Variants in SPACA3 observed in about 807,000 individuals in gnomAD.
The protein encoded by SPACA3 is sperm acrosome associated 3.
SPACA3 carries 21 observed loss-of-function variants against 24.5 expected under a neutral mutation model. The ratio of observed to expected loss-of-function variants is 0.86; its 90% CI spans 0.61 to 1.24. The LOEUF (loss-of-function observed/expected upper bound fraction) is 1.24. Among genes scored for constraint, SPACA3 ranks in the 50% most tolerant of loss-of-function variants. The pLI is 0.00. For missense variants in SPACA3, 278 were observed against 275.5 expected (o/e 1.01, Z -0.06); for synonymous variants, 115 against 106.9 (o/e 1.08, Z -0.47).
intron 3 of SPACA3, among the ~76,000 whole-genome samples, 174 bp downstream of exon 3, chr17:32,997,175 G>A (rs1177796131): frequency 6.6e-6 from 1 of 152,192 alleles, no homozygotes; most frequent in Non-Finnish European, 1.5e-5. Flanking sequence ...CCATCAGTCT[G>A]AATTGGGGTC....
chr17:32,992,952 G>A (rs984436007), intron 1 of SPACA3: 16 of 470,906 alleles, frequency 3.4e-5, no homozygotes, highest in Non-Finnish European at 7.0e-5. Context: ...AGAATAGCTT[G>A]GAAGAGTGGT....
At chr17:32,996,679 C>A (rs1351290448) in intron 2 of SPACA3, 164 bp from the exon 3 acceptor site, 7 of 656,062 alleles carry the variant, frequency 1.1e-5, no homozygotes, top group South Asian at 5.7e-5. Context: ...CACCTCTAAG[C>A]CTCGATTGAT....
intron 1 of SPACA3, among the ~76,000 whole-genome samples, 155 bp downstream of exon 1, chr17:32,992,127 G>GAA (rs2091693349): frequency 1.4e-5 from 2 of 139,436 alleles, no homozygotes; most frequent in South Asian, 4.6e-4. Flanking sequence ...GAGAGAGAGA[G>GAA]AAACTCTGGA....
Position 32,991,963 on chromosome 17 carries a change from C to A in SPACA3, c.25C>A (p.Pro9Thr). 1 of 1,613,896 alleles carries A rather than the reference C, an allele frequency of 6.2e-7. No individual in the cohort carries two copies. The highest frequency in any genetic ancestry group is 1.1e-5 in the South Asian group (1 of 91,064). ...CATGGTCTCAGCTCTGCGGGGAGCA[C>A]CCCTGATCAGTGAGCCCCCTTTCCC... is the stretch of plus-strand genomic sequence containing the variant. The part of the protein sequence containing the change: MVSALRGA[P>T]LIRVHSSPVS... The change falls in exon 1 of 5, where the codon CCC becomes ACC. Residue 9 changes from proline to threonine, a missense_variant. By Grantham distance (38) the Pro-to-Thr change is conservative. Transcript: ENST00000269053.
chr17:32,995,457 G>T lies in SPACA3; in HGVS notation c.83G>T (p.Arg28Met). Reference protein sequence around the residue: ...VSSPSVSGPRRLVSCLSSQSS... With the variant: ...VSSPSVSGPRMLVSCLSSQSS... ...TCTCCTTCTGTGAGTGGACCACGGAGGCTGGTGAGCTGCCTGTCATCCCAA... is the reference window on the plus strand; with the variant it reads ...TCTCCTTCTGTGAGTGGACCACGGATGCTGGTGAGCTGCCTGTCATCCCAA... The change falls in exon 2 of 5, where the codon AGG (arginine) becomes ATG (methionine). Residue 28 changes from arginine to methionine, a missense_variant. Physicochemically the swap from Arg to Met is moderately conservative, Grantham distance 91. Coordinates refer to ENST00000269053, the MANE Select transcript of SPACA3 (RefSeq NM_173847.5). 6.2e-7 allele frequency: 1 copy of T among 1,613,172 alleles called. No homozygotes were observed. The highest frequency in any genetic ancestry group is 2.2e-5 in the East Asian group (1 of 44,834).
chr17:32,994,831 G>A (rs142547537), intron 1 of SPACA3, among the ~76,000 whole-genome samples: 97 of 152,352 alleles, frequency 6.4e-4, no homozygotes, highest in Middle Eastern at 3.4e-3. Context: ...ACAGGGCAGG[G>A]AGGTCAAACC....
At position 32,995,413 on chromosome 17, in the gene SPACA3, G is replaced by T; in HGVS notation, c.39G>T (p.Val13=). The change falls in exon 2 of 5, where the codon GTG becomes GTT. Residue 13 remains valine (V), a synonymous_variant. Transcript: ENST00000269053. ...CTCTCCTCTCCCCTTTCCCAGGGGT[G>T]CACTCAAGCCCTGTTTCTTCTCCTT... ...SALRGAPLIR[V]HSSPVSSPSV... 6.3e-7 allele frequency: 1 copy of T among 1,591,972 alleles called. No individual in the cohort carries two copies. Among genetic ancestry groups the T allele is most frequent in the African/African-American group, 1.3e-5 (1 of 74,692 alleles).
intron 1 of SPACA3, chr17:32,992,951 T>C (rs1483178868): frequency 2.1e-6 from 1 of 470,882 alleles, no homozygotes; most frequent in Non-Finnish European, 4.4e-6. Context: ...TAGAATAGCT[T>C]GGAAGAGTGG....
intron 1 of SPACA3, chr17:32,992,937 T>A (rs1321349061): frequency 1.5e-5 from 7 of 470,890 alleles, no homozygotes; most frequent in Admixed American, 7.0e-5. Context: ...CTGATGGATG[T>A]GTATAGAATA....
chr17:32,997,847 A>G lies in SPACA3; in HGVS notation c.*69A>G. 2 of 1,523,106 alleles carry G rather than the reference A, an allele frequency of 1.3e-6. No homozygotes were observed. The highest frequency in any genetic ancestry group is 9.1e-7 in the Non-Finnish European group (1 of 1,097,654). 94.3% of individuals were successfully genotyped at this position (1,523,106 alleles called of 1,614,324 possible). On this transcript the variant is annotated 3_prime_UTR_variant, in exon 5 of 5. Transcript: ENST00000269053. ...TTCCTGACCTAGGCTTGGGAAGACA[A>G]GCCAGCGAATAAAGGATGGTTGAAC...
In SPACA3 at chr17:32,991,966, C is replaced by T; in HGVS notation, c.28C>T (p.Leu10=). 1 of 1,613,964 alleles carries T rather than the reference C, an allele frequency of 6.2e-7. No individual in the cohort carries two copies. The highest frequency in any genetic ancestry group is 8.5e-7 in the Non-Finnish European group (1 of 1,179,982). Residue 10 remains leucine, a synonymous_variant, in exon 1 of 5, where the codon CTG becomes TTG. Transcript: ENST00000269053. MVSALRGAP[L]IRVHSSPVSS... is the part of the protein sequence containing the mutation. ...GGTCTCAGCTCTGCGGGGAGCACCC[C>T]TGATCAGTGAGCCCCCTTTCCCTTC...
At chr17:32,992,983 C>A (rs1343676525) in intron 1 of SPACA3, 5 of 468,824 alleles carry the variant, frequency 1.1e-5, no homozygotes, top group South Asian at 7.8e-5. Context: ...TACAAGAAGA[C>A]CATGAAGGAA....
intron 4 of SPACA3, 79 bp downstream of exon 4, chr17:32,997,602 C>T: frequency 6.5e-7 from 1 of 1,543,824 alleles, no homozygotes; most frequent in Non-Finnish European, 9.0e-7. Context: ...AACCCCTTTC[C>T]TTCCTCACTT....
At chr17:32,997,567 G>T in intron 4 of SPACA3, 44 bp downstream of exon 4, 1 of 1,584,174 alleles carries the variant, frequency 6.3e-7, no homozygotes. Context: ...GTATGGTTAG[G>T]ACTGGTGGGC....
At chr17:32,995,939 C>A (rs1431590687) in intron 2 of SPACA3, among the ~76,000 whole-genome samples, 2 of 152,174 alleles carry the variant, frequency 1.3e-5, no homozygotes, top group East Asian at 3.8e-4. Flanking sequence ...CTTCATTTCC[C>A]CCTGCTGCTA....
chr17:32,993,047 G>T (rs1024631356), intron 1 of SPACA3: 1 of 440,824 alleles, frequency 2.3e-6, no homozygotes, highest in African/African-American at 2.0e-5. Context: ...AGGGAAGGTG[G>T]AATCCACAGG....
At chr17:32,995,235 T>C (rs2091714319) in intron 1 of SPACA3, among the ~76,000 whole-genome samples, 174 bp from the exon 2 acceptor site, 1 of 152,130 alleles carries the variant, frequency 6.6e-6, no homozygotes, top group Non-Finnish European at 1.5e-5. Flanking sequence ...ATATGGAGCT[T>C]ACAATAGGTT....
intron 1 of SPACA3, chr17:32,992,896 A>C (rs28969): frequency 1.4e-3 from 637 of 471,128 alleles, no homozygotes; most frequent in Admixed American, 2.6e-3. Flanking sequence ...AAGGTGTCAC[A>C]GGGCTGGGCT....
At chr17:32,993,243 G>A (rs1314900790) in intron 1 of SPACA3, among the ~76,000 whole-genome samples, 1 of 152,220 alleles carries the variant, frequency 6.6e-6, no homozygotes, top group African/African-American at 2.4e-5. Context: ...TGGGTTTGAG[G>A]TGCCTGCAGG....
Sources: gnomAD v4.1 joint callset for allele counts (sites outside exome capture counted in the v4.1 genomes callset) on GRCh38, gnomAD v4.1.1 for gene constraint, MANE v1.5 for transcripts, NCBI Gene and HGNC (gene_info 2026-07-23, HGNC 2026-07-21) for gene names.